The following ZNF280D variants were observed in gnomAD, a reference collection of about 807,000 sequenced individuals.
The protein encoded by ZNF280D is zinc finger protein 280D, also known as suppressor of hairy wing homolog 4.
A neutral mutation model predicts 94.7 loss-of-function variants in ZNF280D; 39 were observed. The ratio of observed to expected loss-of-function variants is 0.41; its 90% CI spans 0.32 to 0.54. ZNF280D has a LOEUF of 0.54. ZNF280D is among the 20% of genes least tolerant of loss of function. The pLI, the probability that ZNF280D is intolerant of heterozygous loss-of-function variation, is 0.22. For missense variants in ZNF280D, 1,090 were observed against 1,149.3 expected, an observed-to-expected ratio of 0.95 and a Z score of 0.75; for synonymous variants, 398 against 377.6, an observed-to-expected ratio of 1.05 and a Z score of -0.63.
intron 19 of ZNF280D, among the ~76,000 whole-genome samples, chr15:56,649,904 A>T (rs1311037863): frequency 2.0e-5 from 3 of 152,136 alleles, no homozygotes; most frequent in Non-Finnish European, 4.4e-5. Context: ...TATGAAAGAT[A>T]ATTAATGACT....
intron 19 of ZNF280D, chr15:56,653,691 A>AAAGCAGAC: frequency 7.5e-7 from 1 of 1,338,244 alleles, no homozygotes; most frequent in South Asian, 2.0e-5. Flanking sequence ...AGAAATTAAG[A>AAAGCAGAC]AAGCAGACAA....
intron 1 of ZNF280D, among the ~76,000 whole-genome samples, chr15:56,713,189 G>C (rs1025153967): frequency 6.6e-5 from 10 of 152,046 alleles, no homozygotes; most frequent in East Asian, 1.9e-4. Context: ...TACTAACCAA[G>C]AAGTTGGCAA....
At chr15:56,714,424 C>T (rs1373578130) in intron 1 of ZNF280D, among the ~76,000 whole-genome samples, 1 of 152,044 alleles carries the variant, frequency 6.6e-6, no homozygotes, top group Non-Finnish European at 1.5e-5. Flanking sequence ...ATGGATACAC[C>T]ATAGTTTTTA....
At chr15:56,712,972 T>C (rs540988980) in intron 1 of ZNF280D, among the ~76,000 whole-genome samples, 27 of 152,250 alleles carry the variant, frequency 1.8e-4, no homozygotes, top group African/African-American at 6.3e-4. Flanking sequence ...ACTCCTGAAC[T>C]CAAGTGATCT....
rs576597656 is a variant in ZNF280D at position 56,700,678 on chromosome 15, T to A, written c.381+255A>T. ...GCTGACTATAATTTTATTCACATTT[T>A]GATAGTATAGTTTTCATTACTGTAC... On this transcript the variant is annotated intron_variant, in intron 6 of 21. Coordinates refer to ENST00000267807, the MANE Select transcript of ZNF280D (RefSeq NM_017661.4). 553 of 1,406,970 alleles carry A rather than the reference T, an allele frequency of 3.9e-4. 3 individuals are homozygous for A. In the African/African-American group the frequency reaches 7.3e-3, roughly 19 times the overall value. The allele number at this position is 1,406,970 out of a possible 1,614,324, so 87.2% of individuals were successfully genotyped here. A position where few individuals can be genotyped will look rare whatever the true frequency, so the allele number is the denominator to read the frequency against.
At position 56,668,963 on chromosome 15, in the gene ZNF280D, T is replaced by C. The variant is rs551304384; in HGVS notation, c.1411-6A>G. 2.6e-5 allele frequency: 42 copies of C among 1,598,756 alleles called. No individual in the cohort carries two copies. The Middle Eastern group carries it at 5.0e-4, about 19-fold the overall frequency. Reference sequence around the variant, plus strand: ...CAACGATGTATTCCTTTTTTCTGTTTAGAAAAAAACAGAAAAAGGGGGAAA... The same window carrying C: ...CAACGATGTATTCCTTTTTTCTGTTCAGAAAAAAACAGAAAAAGGGGGAAA... On this transcript the variant is annotated splice_polypyrimidine_tract_variant and splice_region_variant and intron_variant, in intron 13 of 21. Coordinates refer to ENST00000267807, the MANE Select transcript of ZNF280D (RefSeq NM_017661.4).
At chr15:56,719,954 G>C (rs1001649338) in intron 1 of ZNF280D, among the ~76,000 whole-genome samples, 1 of 151,436 alleles carries the variant, frequency 6.6e-6, no homozygotes, top group Non-Finnish European at 1.5e-5. Flanking sequence ...TCTTTTTGCT[G>C]GAGGAAGGTC....
intron 8 of ZNF280D, 70 bp downstream of exon 8, chr15:56,689,230 T>C: frequency 6.4e-7 from 1 of 1,550,474 alleles, no homozygotes; most frequent in South Asian, 1.2e-5. Context: ...ACTTTTAAAA[T>C]TTATAGCCAC....
chr15:56,690,838 G>C (rs1470636934), intron 7 of ZNF280D, among the ~76,000 whole-genome samples: 1 of 152,080 alleles, frequency 6.6e-6, no homozygotes, highest in Non-Finnish European at 1.5e-5. Flanking sequence ...AGTATTCCAG[G>C]TTTTAAAGTC....
At chr15:56,708,899 A>C (rs2057584433) in intron 1 of ZNF280D, among the ~76,000 whole-genome samples, 1 of 152,200 alleles carries the variant, frequency 6.6e-6, no homozygotes, top group Admixed American at 6.5e-5. Context: ...TAAAACCATA[A>C]AAACCCTAGA....
chr15:56,651,943 T>C (rs1447849310), intron 19 of ZNF280D, among the ~76,000 whole-genome samples: 1 of 151,738 alleles, frequency 6.6e-6, no homozygotes, highest in Non-Finnish European at 1.5e-5. Context: ...TATCTGTAAA[T>C]GAACTAATGT....
At chr15:56,726,307 A>G (rs1161361430) in intron 1 of ZNF280D, among the ~76,000 whole-genome samples, 1 of 152,094 alleles carries the variant, frequency 6.6e-6, no homozygotes, top group Non-Finnish European at 1.5e-5. Flanking sequence ...ATTAACCATT[A>G]AAGTCCAGTA....
In ZNF280D at chr15:56,689,291, C is replaced by T; in HGVS notation, c.670+9G>A. On this transcript the variant is annotated intron_variant, in intron 8 of 21. Coordinates refer to ENST00000267807, the MANE Select transcript of ZNF280D (RefSeq NM_017661.4). ...TAACTTCTTTTTATGTACCACATTT[C>T]ATATTTACCTTTTGCTAGCATAGCC... 1.3e-6 allele frequency: 2 copies of T among 1,589,770 alleles called. No individual in the cohort carries two copies. The highest frequency in any genetic ancestry group is 1.7e-6 in the Non-Finnish European group (2 of 1,172,648).
intron 1 of ZNF280D, among the ~76,000 whole-genome samples, chr15:56,717,398 T>C (rs1172833460): frequency 6.6e-6 from 1 of 152,040 alleles, no homozygotes; most frequent in Non-Finnish European, 1.5e-5. Context: ...ATTTTAAAGT[T>C]TGTCATGAGA....
At chr15:56,653,528 G>T (rs1353817537) in intron 19 of ZNF280D, 2 of 1,522,762 alleles carry the variant, frequency 1.3e-6, no homozygotes, top group African/African-American at 2.8e-5. Flanking sequence ...GGCATCAGTT[G>T]TGTCCATCGA....
Position 56,700,101 on chromosome 15 carries a change from T to C in ZNF280D, c.381+832A>G, listed in dbSNP as rs1018969049. 45 of 689,412 alleles carry C rather than the reference T, an allele frequency of 6.5e-5. No individual in the cohort carries two copies. The African/African-American group carries it at 7.8e-4, about 12-fold the overall frequency. 42.7% of individuals were successfully genotyped at this position (689,412 alleles called of 1,614,324 possible). On this transcript the variant is annotated intron_variant, in intron 6 of 21. Coordinates refer to ENST00000267807, the MANE Select transcript of ZNF280D (RefSeq NM_017661.4). Reference sequence around the variant, plus strand: ...TGACCCTCAAACCTCTGAAAGGGTCTTGGGGAACCCCAGGGGATTGCAAAC... The same window carrying C: ...TGACCCTCAAACCTCTGAAAGGGTCCTGGGGAACCCCAGGGGATTGCAAAC...
rs2085342118 is a variant in ZNF280D, at chr15:56,635,310, T to C, written c.2260-60A>G. 3 of 955,268 alleles carry C rather than the reference T, an allele frequency of 3.1e-6. No individual in the cohort carries two copies. In the Admixed American group the frequency reaches 8.7e-5, roughly 28 times the overall value. 59.2% of individuals were successfully genotyped at this position (955,268 alleles called of 1,614,324 possible). ...ACAGTTAATCTTAAAACTATTTTTA[T>C]TATACTAAACTTTCTGGATAAAAGA... On this transcript the variant is annotated intron_variant, in intron 20 of 21. Transcript: ENST00000267807.
intron 1 of ZNF280D, among the ~76,000 whole-genome samples, chr15:56,723,914 T>C (rs1304854998): frequency 9.8e-5 from 15 of 152,326 alleles, no homozygotes; most frequent in African/African-American, 3.4e-4. Context: ...TAGTCTAACT[T>C]ACCTTAAACG....
intron 16 of ZNF280D, among the ~76,000 whole-genome samples, chr15:56,662,385 CCTT>C (rs1338469317): frequency 1.3e-5 from 2 of 152,132 alleles, no homozygotes; most frequent in African/African-American, 4.8e-5. Context: ...TTTTTGAACA[CCTT>C]CTTCTGAGAT....
Sources: allele counts gnomAD v4.1 joint callset (sites outside exome capture counted in the v4.1 genomes callset), GRCh38; gene constraint gnomAD v4.1.1; transcripts MANE v1.5; gene names NCBI Gene and HGNC (gene_info 2026-07-23, HGNC 2026-07-21).